ENPEP: variants seen among roughly 807,000 people sequenced by gnomAD.
ENPEP encodes the protein AP-A.
ENPEP carries 103 observed loss-of-function variants against 114.5 expected under a neutral mutation model. That is an observed-to-expected ratio of 0.90 (90% CI 0.77 to 1.06). ENPEP has a LOEUF of 1.06. Among genes scored for constraint, ENPEP ranks in the 50% least tolerant of loss-of-function variants. The probability of loss-of-function intolerance (pLI) is 0.00; values close to 1 mark genes in which losing one functional copy is unlikely to be tolerated. For missense variants in ENPEP, 1,196 were observed against 1,161.3 expected, an observed-to-expected ratio of 1.03 and a Z score of -0.43; for synonymous variants, 420 against 422.0, an observed-to-expected ratio of 1.00 and a Z score of 0.06.
chr4:110,500,697 T>C (rs1478814082), intron 3 of ENPEP, among the ~76,000 whole-genome samples: 1 of 152,160 alleles, frequency 6.6e-6, no homozygotes, highest in Non-Finnish European at 1.5e-5. Context: ...CCTCACTCCA[T>C]GTTATTTCAG....
At chr4:110,540,364 T>G (rs1414603529) in intron 11 of ENPEP, among the ~76,000 whole-genome samples, 1 of 152,122 alleles carries the variant, frequency 6.6e-6, no homozygotes, top group Non-Finnish European at 1.5e-5. Context: ...TTCTTTATAC[T>G]TTTTTGCATT....
At chr4:110,530,781 A>C (rs1726377913) in intron 10 of ENPEP, among the ~76,000 whole-genome samples, 1 of 152,120 alleles carries the variant, frequency 6.6e-6, no homozygotes, top group Non-Finnish European at 1.5e-5. Context: ...AGAGTTTACT[A>C]TTTGTCTTCT....
chr4:110,544,537 G>T (rs369203932), intron 13 of ENPEP, among the ~76,000 whole-genome samples: 7 of 152,040 alleles, frequency 4.6e-5, no homozygotes, highest in Admixed American at 1.3e-4. Flanking sequence ...AAACATTGGC[G>T]ACTTACTATG....
Position 110,488,669 on chromosome 4 carries a change from A to C in ENPEP, c.773A>C (p.Asn258Thr). The C allele has an allele frequency of 6.2e-7, 1 of 1,611,772 alleles. No individual in the cohort carries two copies. Among genetic ancestry groups the C allele is most frequent in the Non-Finnish European group, 8.5e-7 (1 of 1,179,400 alleles). Residue 258 changes from asparagine (N) to threonine (T), a missense_variant, in exon 2 of 20, where the codon AAT becomes ACT. Transcript: ENST00000265162. ...THPKEYGALS[N>T]MPVAKEESVD... is the part of the protein sequence containing the mutation. ...CCCAAAGAATACGGAGCACTTTCAA[A>C]TATGCCAGTGGCGGTAAGTATTTTT...
intron 18 of ENPEP, among the ~76,000 whole-genome samples, chr4:110,553,679 T>C (rs1359525536): frequency 6.6e-6 from 1 of 152,092 alleles, no homozygotes; most frequent in East Asian, 1.9e-4. Context: ...TATAGGATTC[T>C]GAGATCTGGA....
At chr4:110,537,479 A>G (rs1323453773) in intron 11 of ENPEP, among the ~76,000 whole-genome samples, 1 of 152,208 alleles carries the variant, frequency 6.6e-6, no homozygotes, top group Non-Finnish European at 1.5e-5. Flanking sequence ...CAATTCAGAT[A>G]CATCTTCAGG....
chr4:110,556,800 A>G (rs949425910), intron 18 of ENPEP, among the ~76,000 whole-genome samples: 1 of 152,150 alleles, frequency 6.6e-6, no homozygotes, highest in Non-Finnish European at 1.5e-5. Flanking sequence ...TTAATTGAAT[A>G]TATGAAAACT....
At chr4:110,478,971 G>T (rs1244589175) in intron 1 of ENPEP, among the ~76,000 whole-genome samples, 3 of 152,072 alleles carry the variant, frequency 2.0e-5, no homozygotes, top group South Asian at 2.1e-4. Context: ...AATATACCAA[G>T]ATATTGTAAT....
rs181812641 is a variant in ENPEP, at chr4:110,542,523, A to G, written c.1808-228A>G. Among the ~76,000 whole-genome samples the G allele has an allele frequency of 3.3e-5, 5 of 152,232 alleles. No homozygotes were observed. In the East Asian group the frequency reaches 7.7e-4, roughly 23 times the overall value. On this transcript the variant is annotated intron_variant, in intron 11 of 19. Transcript: ENST00000265162. ...AAAACTATCCATCATAAATTACAGT[A>G]TAATTATTTATATTACTTATTTCTT...
chr4:110,537,853 T>G (rs527807344), intron 11 of ENPEP, among the ~76,000 whole-genome samples: 1 of 152,346 alleles, frequency 6.6e-6, no homozygotes, highest in African/African-American at 2.4e-5. Context: ...ATTAATCTGC[T>G]TGTACATTTC....
intron 3 of ENPEP, among the ~76,000 whole-genome samples, chr4:110,494,505 G>A (rs1724852767): frequency 6.6e-6 from 1 of 152,114 alleles, no homozygotes; most frequent in Non-Finnish European, 1.5e-5. Context: ...ATTATACTAT[G>A]CAATCTAAGA....
intron 13 of ENPEP, among the ~76,000 whole-genome samples, chr4:110,545,886 C>G (rs547715730): frequency 6.6e-6 from 1 of 152,106 alleles, no homozygotes; most frequent in Admixed American, 6.6e-5. Context: ...TCTCTTCACT[C>G]TGAGGCCAGA....
intron 13 of ENPEP, among the ~76,000 whole-genome samples, chr4:110,545,709 T>G (rs1450838411): frequency 1.3e-5 from 2 of 152,030 alleles, no homozygotes; most frequent in Non-Finnish European, 2.9e-5. Flanking sequence ...TGTGTTTTTA[T>G]GGGATTTTTG....
At chr4:110,512,259 G>A (rs1189428895) in intron 6 of ENPEP, among the ~76,000 whole-genome samples, 1 of 152,108 alleles carries the variant, frequency 6.6e-6, no homozygotes, top group Non-Finnish European at 1.5e-5. Context: ...AAATCGGAAG[G>A]CCAGGAAAAT....
At chr4:110,492,261 C>T (rs1578393115) in intron 3 of ENPEP, among the ~76,000 whole-genome samples, 1 of 152,140 alleles carries the variant, frequency 6.6e-6, no homozygotes, top group Non-Finnish European at 1.5e-5. Context: ...TAAATTTAGG[C>T]TATTTATTCA....
At chr4:110,513,352 T>C in intron 6 of ENPEP, 63 bp from the exon 7 acceptor site, 1 of 1,528,878 alleles carries the variant, frequency 6.5e-7, no homozygotes, top group Non-Finnish European at 8.8e-7. Flanking sequence ...ATATATGGTA[T>C]TTTAGTTTAT....
At chr4:110,540,771 T>G (rs1245890978) in intron 11 of ENPEP, among the ~76,000 whole-genome samples, 1 of 152,168 alleles carries the variant, frequency 6.6e-6, no homozygotes, top group African/African-American at 2.4e-5. Flanking sequence ...CATATCCCCT[T>G]TCATTATAAT....
chr4:110,548,478 C>T (rs1250106934), intron 14 of ENPEP, 152 bp downstream of exon 14: 1 of 537,414 alleles, frequency 1.9e-6, no homozygotes, highest in Non-Finnish European at 3.0e-6. Context: ...CTAATCAAAG[C>T]AAAGCTATGC....
intron 12 of ENPEP, 49 bp from the exon 13 acceptor site, chr4:110,542,966 G>A: frequency 6.2e-7 from 1 of 1,609,598 alleles, no homozygotes; most frequent in Non-Finnish European, 8.5e-7. Flanking sequence ...TTTTCAACAT[G>A]CTTTGCCTTA....
Sources: allele counts gnomAD v4.1 joint callset (sites outside exome capture counted in the v4.1 genomes callset), GRCh38; gene constraint gnomAD v4.1.1; transcripts MANE v1.5; gene names NCBI Gene and HGNC (gene_info 2026-07-23, HGNC 2026-07-21).